The following MRPS28 variants were observed in gnomAD, a reference collection of about 807,000 sequenced individuals.
The protein encoded by MRPS28 is small ribosomal subunit protein bS1m.
Under a neutral mutation model 10.8 loss-of-function variants are expected in MRPS28, and 7 were observed. That is an observed-to-expected ratio of 0.65 (90% CI 0.37 to 1.22). The LOEUF (loss-of-function observed/expected upper bound fraction) is 1.22, where lower values mean the gene tolerates loss of function less well. Ranked by LOEUF, MRPS28 falls within the 50% of genes most tolerant of loss-of-function variation. MRPS28 has a pLI of 0.02. For synonymous variants in MRPS28, 121 were observed against 93.3 expected, an observed-to-expected ratio of 1.30 and a Z score of -1.71; for missense variants, 265 against 232.9, an observed-to-expected ratio of 1.14 and a Z score of -0.90.
At chr8:80,004,635 A>G (rs1808773328) in intron 1 of MRPS28, among the ~76,000 whole-genome samples, 1 of 152,268 alleles carries the variant, frequency 6.6e-6, no homozygotes, top group Non-Finnish European at 1.5e-5. Flanking sequence ...AGCTGGACAG[A>G]GAATGACTTT....
intron 2 of MRPS28, among the ~76,000 whole-genome samples, chr8:79,922,646 TATG>T (rs1216914944): frequency 3.3e-4 from 50 of 152,228 alleles, no homozygotes; most frequent in Non-Finnish European, 1.2e-4. Context: ...AGCCATAACA[TATG>T]ATGACTCAAT....
At chr8:79,947,129 T>C (rs376818435) in intron 2 of MRPS28, among the ~76,000 whole-genome samples, 22 of 152,296 alleles carry the variant, frequency 1.4e-4, no homozygotes, top group African/African-American at 4.6e-4. Context: ...CAACAGTCTT[T>C]ATATACGCAA....
At chr8:79,958,883 A>G (rs1316514141) in intron 2 of MRPS28, among the ~76,000 whole-genome samples, 3 of 152,168 alleles carry the variant, frequency 2.0e-5, no homozygotes, top group Non-Finnish European at 4.4e-5. Context: ...AACTGAGTTT[A>G]GTAAGAATTT....
At chr8:80,029,646 C>A (rs565479975) in intron 1 of MRPS28, 2 of 992,724 alleles carry the variant, frequency 2.0e-6, no homozygotes, top group African/African-American at 1.7e-5. Flanking sequence ...CATGCTAGAG[C>A]TACTGTTCAG....
intron 2 of MRPS28, among the ~76,000 whole-genome samples, chr8:79,937,064 T>C (rs1247998830): frequency 6.6e-6 from 1 of 152,162 alleles, no homozygotes; most frequent in Non-Finnish European, 1.5e-5. Flanking sequence ...TTTCACCATG[T>C]TGGCCAGCCT....
chr8:80,024,307 A>C lies in MRPS28; in HGVS notation c.213+5729T>G, dbSNP rs75680975. 8.0e-3 allele frequency among the ~76,000 whole-genome samples: 1,223 copies of C among 152,356 alleles called. 7 individuals are homozygous for C. The highest frequency in any genetic ancestry group is 0.013 in the South Asian group (65 of 4,830). The stretch of plus-strand genomic sequence containing the variant: ...AGGGAAAGATGCATAAACCAATATT[A>C]AAGCTAATGAAGCAAAGTAAAAGAA... On this transcript the variant is annotated intron_variant, in intron 1 of 2. Transcript: ENST00000276585.
At chr8:79,953,658 G>C (rs1807134618) in intron 2 of MRPS28, among the ~76,000 whole-genome samples, 1 of 152,094 alleles carries the variant, frequency 6.6e-6, no homozygotes, top group African/African-American at 2.4e-5. Context: ...GATACGTAAA[G>C]CCTTCTTAAA....
chr8:79,933,206 G>C (rs527733281), intron 2 of MRPS28, among the ~76,000 whole-genome samples: 1 of 152,182 alleles, frequency 6.6e-6, no homozygotes, highest in African/African-American at 2.4e-5. Flanking sequence ...CAGTTATGGA[G>C]GCTGAAAGTC....
At chr8:79,982,967 G>T (rs1193251500) in intron 2 of MRPS28, among the ~76,000 whole-genome samples, 2 of 77,124 alleles carry the variant, frequency 2.6e-5, no homozygotes, top group African/African-American at 1.4e-4. Context: ...GCCTCCTCAA[G>T]TGGGTCCCTG....
intron 1 of MRPS28, among the ~76,000 whole-genome samples, chr8:80,026,192 C>T (rs1809489962): frequency 6.6e-6 from 1 of 152,132 alleles, no homozygotes; most frequent in Non-Finnish European, 1.5e-5. Flanking sequence ...TTAAATAGGT[C>T]CAGTAAGTTC....
chr8:79,945,260 AG>A (rs1245180110), intron 2 of MRPS28, among the ~76,000 whole-genome samples: 10 of 152,356 alleles, frequency 6.6e-5, no homozygotes, highest in South Asian at 4.1e-4. Flanking sequence ...GAACAACCAA[AG>A]GGATGCACCA....
chr8:79,949,906 A>C (rs1807037976), intron 2 of MRPS28, among the ~76,000 whole-genome samples: 1 of 152,212 alleles, frequency 6.6e-6, no homozygotes, highest in South Asian at 2.1e-4. Flanking sequence ...ACAACTAAAA[A>C]GGTTTTCGTT....
At chr8:80,009,056 A>G (rs1280375376) in intron 1 of MRPS28, among the ~76,000 whole-genome samples, 5 of 152,252 alleles carry the variant, frequency 3.3e-5, no homozygotes, top group Non-Finnish European at 7.3e-5. Context: ...CTGGATTAAG[A>G]AAATGTGGCA....
chr8:79,947,603 T>TACATA lies in MRPS28; in HGVS notation c.396-28460_396-28456dup, dbSNP rs1446936284. 1.8e-4 allele frequency among the ~76,000 whole-genome samples: 27 copies of TACATA among 151,712 alleles called. No homozygotes were observed. The East Asian group carries it at 5.2e-3, about 29-fold the overall frequency. On this transcript the variant is annotated intron_variant, in intron 2 of 2. Coordinates refer to ENST00000276585, the MANE Select transcript of MRPS28 (RefSeq NM_014018.3). ...TTTGTAGTTTTCAGCATAGAGGTCT[T>TACATA]ACATATCTTTTGTTAAATATATTAA...
chr8:79,950,347 C>T (rs2129967151), intron 2 of MRPS28, among the ~76,000 whole-genome samples: 1 of 152,200 alleles, frequency 6.6e-6, no homozygotes, highest in East Asian at 1.9e-4. Context: ...AATTTAACCC[C>T]ATAGAAAATG....
intron 1 of MRPS28, chr8:80,028,859 T>A (rs891727078): frequency 2.0e-5 from 3 of 153,398 alleles, no homozygotes; most frequent in Admixed American, 1.3e-4. Flanking sequence ...CGGTCCCAGC[T>A]ATGAAGCAGG....
intron 1 of MRPS28, among the ~76,000 whole-genome samples, chr8:80,022,656 T>A (rs1809397399): frequency 6.6e-6 from 1 of 152,210 alleles, no homozygotes; most frequent in Non-Finnish European, 1.5e-5. Context: ...TATTCCCAAA[T>A]CCCAACAAAC....
At chr8:79,932,401 C>A (rs1197137852) in intron 2 of MRPS28, among the ~76,000 whole-genome samples, 3 of 152,128 alleles carry the variant, frequency 2.0e-5, no homozygotes, top group Non-Finnish European at 2.9e-5. Context: ...GGGGGCAGAG[C>A]TTTTCAGGCA....
chr8:79,958,578 G>T, intron 2 of MRPS28: 1 of 562,774 alleles, frequency 1.8e-6, no homozygotes, highest in Non-Finnish European at 3.1e-6. Flanking sequence ...ATTTTGTTGA[G>T]TTTTTCTTTA....
Sources: gnomAD v4.1 joint callset for allele counts (sites outside exome capture counted in the v4.1 genomes callset) on GRCh38, gnomAD v4.1.1 for gene constraint, MANE v1.5 for transcripts, NCBI Gene and HGNC (gene_info 2026-07-23, HGNC 2026-07-21) for gene names.